Variants in DLGAP2 observed in about 807,000 individuals in gnomAD.
DLGAP2 encodes the protein disks large-associated protein 2.
In DLGAP2, 26 loss-of-function variants were observed where a neutral mutation model predicts 100.3. The observed-to-expected ratio is 0.26, with a 90% CI of 0.19 to 0.36. The LOEUF (loss-of-function observed/expected upper bound fraction) is 0.36, where lower values mean the gene tolerates loss of function less well. Among genes scored for constraint, DLGAP2 ranks in the 10% least tolerant of loss-of-function variants. The pLI, the probability that DLGAP2 is intolerant of heterozygous loss-of-function variation, is 1.00. For missense variants in DLGAP2, 1,858 were observed against 1,453.2 expected, an observed-to-expected ratio of 1.28 and a Z score of -4.53; for synonymous variants, 886 against 630.1, an observed-to-expected ratio of 1.41 and a Z score of -6.08.
chr8:1,096,165 A>G (rs890778363), intron 2 of DLGAP2, among the ~76,000 whole-genome samples: 1 of 152,210 alleles, frequency 6.6e-6, no homozygotes, highest in African/African-American at 2.4e-5. Context: ...ACCTGTTTTC[A>G]TGCTGTTCAC....
intron 2 of DLGAP2, among the ~76,000 whole-genome samples, chr8:1,203,265 T>C: frequency 6.7e-6 from 1 of 149,742 alleles, no homozygotes; most frequent in Non-Finnish European, 1.5e-5. Flanking sequence ...TAGTGTGTCC[T>C]TCGGTGATGA....
In DLGAP2 at chr8:1,549,578, G is replaced by A. The variant is rs750514879; in HGVS notation, c.1125G>A (p.Thr375=). 9 of 1,612,164 alleles carry A rather than the reference G, an allele frequency of 5.6e-6. No homozygotes were observed. Among genetic ancestry groups the A allele is most frequent in the Admixed American group, 5.0e-5 (3 of 59,894 alleles). ...YLKRSSWSTL[T]VSQAKEAYRK... ...AGCGCAGCTCCTGGTCTACGCTGAC[G>A]GTCAGCCAGGCCAAGGAGGCCTACC... Residue 375 remains threonine, a synonymous_variant, in exon 5 of 15, where the codon ACG becomes ACA. Transcript: ENST00000637795.
At position 1,123,548 on chromosome 8, in the gene DLGAP2, G is replaced by T. The variant is rs1319950901; in HGVS notation, c.74-135303G>T. Among the ~76,000 whole-genome samples, 8 of 152,170 alleles carry T rather than the reference G, an allele frequency of 5.3e-5. 1 individual carries two copies. Among genetic ancestry groups the T allele is most frequent in the Admixed American group, 5.2e-4 (8 of 15,280 alleles). On this transcript the variant is annotated intron_variant, in intron 2 of 14. Coordinates refer to ENST00000637795, the MANE Select transcript of DLGAP2 (RefSeq NM_001346810.2). ...AAAAGGAAAAATCATTACAGTGTCA[G>T]ATGTTTGGTCTAAAACCTGGAAAAG...
intron 3 of DLGAP2, among the ~76,000 whole-genome samples, chr8:1,378,291 G>A (rs1796008892): frequency 6.8e-6 from 1 of 146,226 alleles, no homozygotes; most frequent in Admixed American, 6.9e-5. Context: ...GCACACACCT[G>A]ACCTCACCTG....
intron 6 of DLGAP2, 69 bp from the exon 7 acceptor site, chr8:1,626,671 G>C: frequency 6.5e-7 from 1 of 1,540,150 alleles, no homozygotes; most frequent in Non-Finnish European, 8.8e-7. Context: ...TGGGTTGGAT[G>C]GTCATTCCCA....
At chr8:1,343,924 T>C (rs190490908) in intron 3 of DLGAP2, among the ~76,000 whole-genome samples, 44 of 152,266 alleles carry the variant, frequency 2.9e-4, no homozygotes, top group Admixed American at 5.9e-4. Flanking sequence ...AGGTGAGGTA[T>C]ATCAGGGCTT....
At chr8:1,430,612 A>C (rs1797397967) in intron 3 of DLGAP2, among the ~76,000 whole-genome samples, 1 of 152,204 alleles carries the variant, frequency 6.6e-6, no homozygotes, top group Non-Finnish European at 1.5e-5. Context: ...CATGGATCTC[A>C]CACAGTTGCC....
intron 2 of DLGAP2, among the ~76,000 whole-genome samples, chr8:1,051,371 C>G (rs908912561): frequency 6.6e-6 from 1 of 152,112 alleles, no homozygotes; most frequent in African/African-American, 2.4e-5. Flanking sequence ...GATCGTTTTA[C>G]CCTCAGATGC....
At chr8:785,615 CCT>C (rs1219837304) in intron 1 of DLGAP2, among the ~76,000 whole-genome samples, 1 of 91,910 alleles carries the variant, frequency 1.1e-5, no homozygotes, top group Non-Finnish European at 2.3e-5. Context: ...CCCTCAGACC[CCT>C]CTGAGACCGG....
chr8:1,213,223 C>G (rs917954977), intron 2 of DLGAP2, among the ~76,000 whole-genome samples: 1 of 152,084 alleles, frequency 6.6e-6, no homozygotes, highest in Non-Finnish European at 1.5e-5. Context: ...TTGTCTGTGG[C>G]TTTCCTGGGA....
At chr8:1,552,092 T>C (rs1801787831) in intron 5 of DLGAP2, among the ~76,000 whole-genome samples, 2 of 152,164 alleles carry the variant, frequency 1.3e-5, no homozygotes, top group South Asian at 4.1e-4. Flanking sequence ...TCTGGTCCTG[T>C]TGTTCTGCAG....
At chr8:956,749 C>T (rs929311711) in intron 2 of DLGAP2, among the ~76,000 whole-genome samples, 2 of 152,240 alleles carry the variant, frequency 1.3e-5, no homozygotes, top group Non-Finnish European at 2.9e-5. Flanking sequence ...TCCAATCTGT[C>T]CTGAGGTCTA....
chr8:912,629 C>T (rs1033763692), intron 2 of DLGAP2, among the ~76,000 whole-genome samples: 8 of 151,932 alleles, frequency 5.3e-5, no homozygotes, highest in African/African-American at 1.9e-4. Context: ...CCGCCTTCCT[C>T]TCTGTGGAGC....
intron 3 of DLGAP2, among the ~76,000 whole-genome samples, chr8:1,460,360 A>G (rs1798439758): frequency 6.6e-6 from 1 of 152,254 alleles, no homozygotes; most frequent in Admixed American, 6.5e-5. Flanking sequence ...GTGAACAGAT[A>G]TCTGTGGAGT....
chr8:968,172 T>C (rs1799926979), intron 2 of DLGAP2, among the ~76,000 whole-genome samples: 1 of 152,050 alleles, frequency 6.6e-6, no homozygotes, highest in South Asian at 2.1e-4. Flanking sequence ...TGTTGTAACT[T>C]GGGAATATCT....
intron 1 of DLGAP2, among the ~76,000 whole-genome samples, chr8:761,729 G>A (rs1821089197): frequency 6.6e-6 from 1 of 152,178 alleles, no homozygotes; most frequent in Non-Finnish European, 1.5e-5. Context: ...CCGAAACGCG[G>A]AGCCAGCTCC....
intron 1 of DLGAP2, among the ~76,000 whole-genome samples, chr8:842,210 G>A (rs1441069619): frequency 6.6e-6 from 1 of 152,148 alleles, no homozygotes; most frequent in Non-Finnish European, 1.5e-5. Flanking sequence ...GTGGTTCTCT[G>A]GAGTTTGTTG....
rs114122379 is a variant in DLGAP2, at chr8:1,181,481, G to A, written c.74-77370G>A. Among the ~76,000 whole-genome samples the A allele has an allele frequency of 2.1e-3, 319 of 152,164 alleles. 2 individuals are homozygous for A. Among genetic ancestry groups the A allele is most frequent in the African/African-American group, 7.1e-3 (296 of 41,500 alleles). ...CTGCATAGTATTCTCACCTCTAAGT[G>A]GAGCTGAATGAGGAGAACTGACAGG... On this transcript the variant is annotated intron_variant, in intron 2 of 14. Transcript: ENST00000637795.
At chr8:1,444,848 C>A (rs1044780397) in intron 3 of DLGAP2, among the ~76,000 whole-genome samples, 2 of 140,764 alleles carry the variant, frequency 1.4e-5, no homozygotes, top group African/African-American at 5.3e-5. Context: ...GGCGTGACCT[C>A]GGCTGACTGC....
Sources: allele counts gnomAD v4.1 joint callset (sites outside exome capture counted in the v4.1 genomes callset), GRCh38; gene constraint gnomAD v4.1.1; transcripts MANE v1.5; gene names NCBI Gene and HGNC (gene_info 2026-07-23, HGNC 2026-07-21).